Variants in GABRG1 observed in about 807,000 individuals in gnomAD.
The protein encoded by GABRG1 is gamma-aminobutyric acid receptor subunit gamma-1.
A neutral mutation model predicts 49.8 loss-of-function variants in GABRG1; 49 were observed. The observed-to-expected ratio is 0.98, with a 90% CI of 0.78 to 1.25. The LOEUF (loss-of-function observed/expected upper bound fraction) is 1.25. Among genes scored for constraint, GABRG1 ranks in the 50% most tolerant of loss-of-function variants. The pLI, the probability that GABRG1 is intolerant of heterozygous loss-of-function variation, is 0.00. For missense variants in GABRG1, 552 were observed against 552.3 expected, an observed-to-expected ratio of 1.00 and a Z score of 0.01; for synonymous variants, 232 against 185.1, an observed-to-expected ratio of 1.25 and a Z score of -2.06.
intron 3 of GABRG1, among the ~76,000 whole-genome samples, chr4:46,066,582 A>G (rs973388638): frequency 6.6e-6 from 1 of 152,184 alleles, no homozygotes; most frequent in Admixed American, 6.6e-5. Context: ...CCAAGTCCAC[A>G]TCCATAACAA....
intron 2 of GABRG1, among the ~76,000 whole-genome samples, chr4:46,089,467 T>C (rs1033444422): frequency 1.3e-5 from 2 of 151,980 alleles, no homozygotes; most frequent in Non-Finnish European, 2.9e-5. Flanking sequence ...GATAAAGAGA[T>C]GGAATAAAAC....
intron 3 of GABRG1, among the ~76,000 whole-genome samples, chr4:46,073,630 A>G (rs1034270022): frequency 2.0e-5 from 3 of 152,028 alleles, no homozygotes; most frequent in Admixed American, 2.0e-4. Context: ...TAACAAATAT[A>G]CAAAAGATCC....
intron 7 of GABRG1, among the ~76,000 whole-genome samples, chr4:46,052,919 T>C (rs1205608602): frequency 6.6e-6 from 1 of 151,876 alleles, no homozygotes; most frequent in East Asian, 1.9e-4. Flanking sequence ...CTTTTATCAT[T>C]TCTTAGGATT....
rs749052984 is a variant in GABRG1 at position 46,039,470 on chromosome 4, T to A, written c.*1518A>T. 2 of 151,646 alleles carry A rather than the reference T, an allele frequency of 1.3e-5. No individual in the cohort carries two copies. The highest frequency in any genetic ancestry group is 3.0e-5 in the Non-Finnish European group (2 of 67,736). The allele number at this position is 151,646 out of a possible 1,614,324, so 9.4% of individuals were successfully genotyped here. On this transcript the variant is annotated 3_prime_UTR_variant, in exon 9 of 9. Transcript: ENST00000295452. ...GCAGCGGAATTATAACATTAAAAAC[T>A]AGAGTAACAATTGCAGAGGTGACAG...
intron 2 of GABRG1, among the ~76,000 whole-genome samples, chr4:46,088,469 T>G (rs892767104): frequency 3.9e-5 from 6 of 151,986 alleles, no homozygotes; most frequent in Non-Finnish European, 7.4e-5. Context: ...TACAAAATGT[T>G]GTACACCATT....
chr4:46,073,225 T>A (rs1719204286), intron 3 of GABRG1, among the ~76,000 whole-genome samples: 1 of 151,998 alleles, frequency 6.6e-6, no homozygotes, highest in South Asian at 2.1e-4. Flanking sequence ...CCAGATTCCA[T>A]CAAATTGTTT....
chr4:46,051,194 C>G (rs1373345938), intron 8 of GABRG1, among the ~76,000 whole-genome samples: 2 of 151,718 alleles, frequency 1.3e-5, no homozygotes, highest in Non-Finnish European at 2.9e-5. Context: ...TGGGAAAATT[C>G]AGGCCATAAT....
intron 3 of GABRG1, among the ~76,000 whole-genome samples, chr4:46,080,883 A>C (rs1180370252): frequency 2.0e-5 from 3 of 151,882 alleles, no homozygotes; most frequent in Non-Finnish European, 4.4e-5. Flanking sequence ...CTAAAGAAGA[A>C]ATATAACATT....
intron 1 of GABRG1, among the ~76,000 whole-genome samples, chr4:46,114,642 A>G (rs1005110448): frequency 6.6e-6 from 1 of 151,014 alleles, no homozygotes; most frequent in Non-Finnish European, 1.5e-5. Flanking sequence ...ATAAAAATCA[A>G]TGAATAAGTA....
rs543017392 is a variant in GABRG1, at chr4:46,091,954, T to C, written c.253+5247A>G. Among the ~76,000 whole-genome samples, 32 of 152,060 alleles carry C rather than the reference T, an allele frequency of 2.1e-4. 1 individual carries two copies. The highest frequency in any genetic ancestry group is 2.1e-3 in the Admixed American group (32 of 15,238). On this transcript the variant is annotated intron_variant, in intron 2 of 8. Transcript: ENST00000295452. ...GATAAAATACATTTTATCTTCAAAA[T>C]AGCACGATTAATGTTGAAATGTGAC...
chr4:46,075,111 G>C (rs929935121), intron 3 of GABRG1, among the ~76,000 whole-genome samples: 1 of 151,664 alleles, frequency 6.6e-6, no homozygotes, highest in African/African-American at 2.4e-5. Flanking sequence ...TATAAGGAGG[G>C]ATAAAGCCTA....
intron 3 of GABRG1, among the ~76,000 whole-genome samples, 195 bp from the exon 4 acceptor site, chr4:46,065,779 G>C (rs192705890): frequency 6.6e-6 from 1 of 152,194 alleles, no homozygotes; most frequent in East Asian, 1.9e-4. Flanking sequence ...CCGGAGTGCA[G>C]TGATGCAATC....
Position 46,051,587 on chromosome 4 carries a change from G to T in GABRG1, c.968C>A (p.Ser323Tyr), listed in dbSNP as rs746900893. The T allele has an allele frequency of 6.2e-7, 1 of 1,611,398 alleles. No individual in the cohort carries two copies. Among genetic ancestry groups the T allele is most frequent in the East Asian group, 2.2e-5 (1 of 44,766 alleles). ...AGTCACATAAGAAACCTTAGGTAAA[G>T]ACTTCCTGGCAATTGTACTCAGGGT... ...MTTLSTIARK[S>Y]LPKVSYVTAM... The change falls in exon 8 of 9, where the codon TCT becomes TAT. Residue 323 changes from serine to tyrosine, a missense_variant. Physicochemically the swap from Ser to Tyr is moderately radical, Grantham distance 144 (BLOSUM62 -2). Coordinates refer to ENST00000295452, the MANE Select transcript of GABRG1 (RefSeq NM_173536.4).
chr4:46,078,699 AG>A (rs1276377033), intron 3 of GABRG1, among the ~76,000 whole-genome samples: 2 of 152,032 alleles, frequency 1.3e-5, no homozygotes, highest in Admixed American at 1.3e-4. Context: ...GAGTTTGAAA[AG>A]TTAAAGAGGC....
At position 46,058,541 on chromosome 4, in the gene GABRG1, T is replaced by C; in HGVS notation, c.707A>G (p.Tyr236Cys). ...CCGTAACCCTACAAATGCAAACTGA[T>C]ATAATCTCCAGTATTTAGGATCAGC... ...EVADPKYWRL[Y>C]QFAFVGLRNS... The change falls in exon 6 of 9, where the codon TAT becomes TGT. Residue 236 changes from tyrosine (Y) to cysteine (C), a missense_variant. Coordinates refer to ENST00000295452, the MANE Select transcript of GABRG1 (RefSeq NM_173536.4). The C allele has an allele frequency of 1.9e-6, 3 of 1,613,254 alleles. No homozygotes were observed. The highest frequency in any genetic ancestry group is 2.5e-6 in the Non-Finnish European group (3 of 1,179,470).
chr4:46,052,877 C>T (rs1007469582), intron 7 of GABRG1, among the ~76,000 whole-genome samples: 2 of 151,822 alleles, frequency 1.3e-5, no homozygotes, highest in African/African-American at 4.8e-5. Flanking sequence ...GAAACATACC[C>T]TAAAAATTCT....
At chr4:46,068,040 C>A (rs771136653) in intron 3 of GABRG1, among the ~76,000 whole-genome samples, 8 of 152,102 alleles carry the variant, frequency 5.3e-5, no homozygotes, top group Non-Finnish European at 8.8e-5. Context: ...AGCCAAGCAG[C>A]CTCTTCACCT....
rs550257882 is a variant in GABRG1 at position 46,074,732 on chromosome 4, T to C, written c.322-9148A>G. On this transcript the variant is annotated intron_variant, in intron 3 of 8. Coordinates refer to ENST00000295452, the MANE Select transcript of GABRG1 (RefSeq NM_173536.4). ...CCTTTACTACATTGTTTTAAGCCTT[T>C]GCTAGATATAAAAATAACACATTGA... Among the ~76,000 whole-genome samples, 4 of 152,288 alleles carry C rather than the reference T, an allele frequency of 2.6e-5. No homozygotes were observed. The South Asian group carries it at 8.3e-4, about 32-fold the overall frequency.
chr4:46,087,935 T>A (rs1052031548), intron 2 of GABRG1, among the ~76,000 whole-genome samples: 3 of 152,032 alleles, frequency 2.0e-5, no homozygotes, highest in Non-Finnish European at 4.4e-5. Flanking sequence ...CTGTAGCCAG[T>A]AGAAACATAT....
Sources: gnomAD v4.1 joint callset for allele counts (sites outside exome capture counted in the v4.1 genomes callset) on GRCh38, gnomAD v4.1.1 for gene constraint, MANE v1.5 for transcripts, NCBI Gene and HGNC (gene_info 2026-07-23, HGNC 2026-07-21) for gene names.